The following CHD9 variants were observed in gnomAD, a reference collection of about 807,000 sequenced individuals.
CHD9 encodes the protein chromodomain helicase DNA binding protein 9.
In CHD9, 77 loss-of-function variants were observed where a neutral mutation model predicts 316.1. That is an observed-to-expected ratio of 0.24 (90% CI 0.20 to 0.29). The LOEUF (loss-of-function observed/expected upper bound fraction) is 0.29. Ranked by LOEUF, CHD9 falls within the 10% of genes least tolerant of loss-of-function variation. The pLI is 1.00. For synonymous variants in CHD9, 1,129 were observed against 1,158.3 expected, an observed-to-expected ratio of 0.97 and a Z score of 0.51; for missense variants, 2,763 against 3,438.1, an observed-to-expected ratio of 0.80 and a Z score of 4.91.
chr16:53,273,356 A>T (rs1308263736), intron 22 of CHD9, among the ~76,000 whole-genome samples: 1 of 152,172 alleles, frequency 6.6e-6, no homozygotes, highest in East Asian at 1.9e-4. Flanking sequence ...TGGGTTTTAT[A>T]TTTGTAAAAA....
At chr16:53,220,123 G>C (rs1158662456) in intron 3 of CHD9, among the ~76,000 whole-genome samples, 1 of 152,212 alleles carries the variant, frequency 6.6e-6, no homozygotes. Context: ...AGTGAAAGTG[G>C]TGAGAGGGAA....
In CHD9 at chr16:53,304,528, A is replaced by ATCT. The variant is rs755862383; in HGVS notation, c.6528_6530dup (p.Ser2181dup). The ATCT allele has an allele frequency of 3.2e-6, 5 of 1,547,532 alleles. No homozygotes were observed. In the Admixed American group the frequency reaches 9.8e-5, roughly 30 times the overall value. On this transcript the variant is annotated inframe_insertion, in exon 31 of 39. Transcript: ENST00000447540. ...CTTCATCTTCATCTTGTTCTTCAGC[A>ATCT]TCTTCTTCATCCTCTTCCTCCACCT...
chr16:53,174,103 CA>C (rs1330592447), intron 2 of CHD9, among the ~76,000 whole-genome samples: 3 of 152,026 alleles, frequency 2.0e-5, no homozygotes, highest in Non-Finnish European at 4.4e-5. Context: ...GGCAACATGG[CA>C]AAACCCACTC....
intron 19 of CHD9, among the ~76,000 whole-genome samples, chr16:53,257,780 C>G (rs1451524788): frequency 1.3e-5 from 2 of 151,906 alleles, no homozygotes; most frequent in Admixed American, 1.3e-4. Flanking sequence ...CCTTTTGTTT[C>G]CAAAAGGAAC....
At chr16:53,129,402 T>C (rs1256267769) in intron 1 of CHD9, among the ~76,000 whole-genome samples, 1 of 152,252 alleles carries the variant, frequency 6.6e-6, no homozygotes, top group Non-Finnish European at 1.5e-5. Flanking sequence ...GTGGTTGTTA[T>C]AAGTATCCTT....
In CHD9 at chr16:53,318,344, T is replaced by C; in HGVS notation, c.7713+4T>C. The C allele has an allele frequency of 6.3e-7, 1 of 1,587,218 alleles. No individual in the cohort carries two copies. The highest frequency in any genetic ancestry group is 8.6e-7 in the Non-Finnish European group (1 of 1,168,442). On this transcript the variant is annotated splice_donor_region_variant and intron_variant, in intron 37 of 38. Transcript: ENST00000447540. ...TAACAGAAGAAATGCTAGAAAGGTA[T>C]TTTAATGTTTTTTTCTTAATCTTTT...
chr16:53,070,956 A>T (rs892746266), intron 1 of CHD9, among the ~76,000 whole-genome samples: 2 of 152,042 alleles, frequency 1.3e-5, no homozygotes, highest in South Asian at 4.1e-4. Context: ...GTTCTTTTTC[A>T]TGATTATTTT....
chr16:53,155,787 T>C (rs1282940897), intron 1 of CHD9, 139 bp from the exon 2 acceptor site: 2 of 293,350 alleles, frequency 6.8e-6, no homozygotes, highest in Non-Finnish European at 1.3e-5. Flanking sequence ...TTTGACATTT[T>C]ATATAAATCG....
In CHD9 at chr16:53,324,848, A is replaced by G. The variant is rs1262212671; in HGVS notation, c.8647A>G (p.Ser2883Gly). ...AGCTGATGCTTCATCTGGATCTGAT[A>G]GTACATCGTCGTCATCTGAGGATTC... ...EKADASSGSD[S>G]TSSSSEDSDS... The change falls in exon 39 of 39, where the codon AGT (serine) becomes GGT (glycine). Residue 2883 changes from serine (S) to glycine (G), a missense_variant. Physicochemically the swap from Ser to Gly is moderately conservative, Grantham distance 56. Transcript: ENST00000447540. The G allele has an allele frequency of 2.5e-6, 4 of 1,610,586 alleles. No individual in the cohort carries two copies. Among genetic ancestry groups the G allele is most frequent in the Admixed American group, 1.7e-5 (1 of 59,236 alleles).
chr16:53,310,657 A>G (rs1260927118), intron 34 of CHD9: 6 of 151,384 alleles, frequency 4.0e-5, no homozygotes, highest in Admixed American at 1.3e-4. Flanking sequence ...AGACCAGCCT[A>G]ACTGACATGG....
intron 30 of CHD9, 93 bp from the exon 31 acceptor site, chr16:53,303,627 T>C: frequency 1.1e-6 from 1 of 904,982 alleles, no homozygotes; most frequent in Non-Finnish European, 1.5e-6. Flanking sequence ...AGAAATGGTA[T>C]TGTTATAAAT....
At chr16:53,274,753 G>A (rs544622783) in intron 24 of CHD9, among the ~76,000 whole-genome samples, 2 of 151,996 alleles carry the variant, frequency 1.3e-5, no homozygotes, top group East Asian at 1.9e-4. Context: ...GAGCCACCAC[G>A]CCCAGCCTAT....
intron 1 of CHD9, among the ~76,000 whole-genome samples, chr16:53,094,150 C>G (rs925282527): frequency 3.9e-5 from 6 of 152,210 alleles, no homozygotes; most frequent in African/African-American, 1.4e-4. Context: ...CCCCGCAGAG[C>G]AGGAGAGAAG....
intron 1 of CHD9, among the ~76,000 whole-genome samples, chr16:53,151,115 A>AT (rs955971280): frequency 2.7e-5 from 4 of 146,944 alleles, no homozygotes; most frequent in Non-Finnish European, 4.5e-5. Flanking sequence ...TATTCTCTTG[A>AT]TTTTGTCTCA....
chr16:53,193,721 C>T (rs977797056), intron 2 of CHD9, among the ~76,000 whole-genome samples: 14 of 151,970 alleles, frequency 9.2e-5, no homozygotes, highest in African/African-American at 2.9e-4. Flanking sequence ...TAACATTTAC[C>T]GAGTGCCTGC....
intron 1 of CHD9, among the ~76,000 whole-genome samples, chr16:53,095,297 G>A (rs2036282579): frequency 6.6e-6 from 1 of 152,206 alleles, no homozygotes; most frequent in Non-Finnish European, 1.5e-5. Context: ...TATAATATCA[G>A]CACTTTGGGA....
At chr16:53,258,022 G>A (rs2050758472) in intron 19 of CHD9, among the ~76,000 whole-genome samples, 1 of 152,060 alleles carries the variant, frequency 6.6e-6, no homozygotes, top group African/African-American at 2.4e-5. Flanking sequence ...CCTTAAAGTT[G>A]TTGTTTTGTT....
In CHD9 at chr16:53,137,218, C is replaced by T. The variant is rs995659424; in HGVS notation, c.-164-18708C>T. On this transcript the variant is annotated intron_variant, in intron 1 of 38. Coordinates refer to ENST00000447540, the MANE Select transcript of CHD9 (RefSeq NM_001308319.2). ...CGATCTCTTGACCTCCTGACCTGCC[C>T]GCCTCGGCCTCCCAAAGTGTTGGGA... Among the ~76,000 whole-genome samples the T allele has an allele frequency of 2.6e-5, 4 of 152,016 alleles. No homozygotes were observed. The South Asian group carries it at 6.2e-4, about 24-fold the overall frequency.
At position 53,201,845 on chromosome 16, in the gene CHD9, G is replaced by GT. The variant is rs796703916; in HGVS notation, c.1453-7626dup. 4.2e-3 allele frequency among the ~76,000 whole-genome samples: 605 copies of GT among 143,120 alleles called. 3 individuals carry two copies. Among genetic ancestry groups the GT allele is most frequent in the African/African-American group, 0.011 (441 of 39,136 alleles). The allele number at this position is 143,120 out of a possible 152,430, so 93.9% of individuals were successfully genotyped here. On this transcript the variant is annotated intron_variant, in intron 2 of 38. Transcript: ENST00000447540. ...AAAAATTTGGGGGGATCAGTTTGAG[G>GT]TTTTTTTTTTTGTTGTTGTTGTTGT...
Sources: gnomAD v4.1 joint callset for allele counts (sites outside exome capture counted in the v4.1 genomes callset) on GRCh38, gnomAD v4.1.1 for gene constraint, MANE v1.5 for transcripts, NCBI Gene and HGNC (gene_info 2026-07-23, HGNC 2026-07-21) for gene names.